The following COL23A1 variants were observed in gnomAD, a reference collection of about 807,000 sequenced individuals.
The protein encoded by COL23A1 is collagen alpha-1(XXIII) chain.
COL23A1 carries 97 observed loss-of-function variants against 99.3 expected under a neutral mutation model. The ratio of observed to expected loss-of-function variants is 0.98; its 90% CI spans 0.83 to 1.16. The LOEUF (loss-of-function observed/expected upper bound fraction) is 1.16. Ranked by LOEUF, COL23A1 falls within the 50% of genes most tolerant of loss-of-function variation. The probability of loss-of-function intolerance (pLI) is 0.00; values close to 1 mark genes in which losing one functional copy is unlikely to be tolerated. For synonymous variants in COL23A1, 320 were observed against 308.2 expected (o/e 1.04, Z -0.40); for missense variants, 762 against 757.4 (o/e 1.01, Z -0.07).
At chr5:178,559,059 G>A (rs1762422638) in intron 2 of COL23A1, among the ~76,000 whole-genome samples, 1 of 152,110 alleles carries the variant, frequency 6.6e-6, no homozygotes, top group African/African-American at 2.4e-5. Context: ...CAAAGTGCTG[G>A]GATTACAGGC....
In COL23A1 at chr5:178,501,285, A is replaced by C. The variant is rs539450228; in HGVS notation, c.361+59397T>G. Reference sequence around the variant, plus strand: ...CTGGAAACACTAAAAGGCACAGACCAAAAAAAGCCCCAACAGGCCGGGCAC... The same window carrying C: ...CTGGAAACACTAAAAGGCACAGACCCAAAAAAGCCCCAACAGGCCGGGCAC... On this transcript the variant is annotated intron_variant, in intron 2 of 28. Transcript: ENST00000390654. Among the ~76,000 whole-genome samples the C allele has an allele frequency of 9.2e-5, 14 of 152,232 alleles. 1 individual carries two copies. In the South Asian group the frequency reaches 2.9e-3, roughly 32 times the overall value.
intron 5 of COL23A1, among the ~76,000 whole-genome samples, chr5:178,284,475 T>C (rs1320675303): frequency 6.6e-6 from 1 of 152,212 alleles, no homozygotes; most frequent in Non-Finnish European, 1.5e-5. Flanking sequence ...GGAATGTAAA[T>C]TAGTACAGTC....
At chr5:178,359,807 A>G (rs1277199420) in intron 2 of COL23A1, among the ~76,000 whole-genome samples, 3 of 152,224 alleles carry the variant, frequency 2.0e-5, no homozygotes, top group African/African-American at 7.2e-5. Flanking sequence ...AAACTCAGAA[A>G]TAGCCTATTT....
intron 2 of COL23A1, among the ~76,000 whole-genome samples, chr5:178,448,912 T>TG (rs200834600): frequency 1.8e-4 from 14 of 77,850 alleles, no homozygotes; most frequent in African/African-American, 4.5e-4. Flanking sequence ...GAAATAAAGT[T>TG]TTTTTTTTTT....
At chr5:178,524,127 ACTG>A (rs1760175288) in intron 2 of COL23A1, among the ~76,000 whole-genome samples, 1 of 152,206 alleles carries the variant, frequency 6.6e-6, no homozygotes, top group South Asian at 2.1e-4. Flanking sequence ...AAGAGAACGT[ACTG>A]CCCCTCTTGA....
At chr5:178,507,526 C>CT (rs1758946689) in intron 2 of COL23A1, among the ~76,000 whole-genome samples, 1 of 152,192 alleles carries the variant, frequency 6.6e-6, no homozygotes, top group Admixed American at 6.5e-5. Context: ...TCAAAAGGGC[C>CT]TGGTGCATGG....
intron 12 of COL23A1, 57 bp from the exon 13 acceptor site, chr5:178,257,624 CT>C (rs1013789649): frequency 6.6e-7 from 1 of 1,521,000 alleles, no homozygotes; most frequent in African/African-American, 1.4e-5. Flanking sequence ...CAGTGGGCCC[CT>C]CCCTCCTCTG....
rs1207319051 is a variant in COL23A1 at position 178,310,772 on chromosome 5, T to C, written c.362-3853A>G. Among the ~76,000 whole-genome samples the C allele has an allele frequency of 6.6e-6, 1 of 152,172 alleles. No individual in the cohort carries two copies. The highest frequency in any genetic ancestry group is 1.5e-5 in the Non-Finnish European group (1 of 68,014). On this transcript the variant is annotated intron_variant, in intron 2 of 28. Coordinates refer to ENST00000390654, the MANE Select transcript of COL23A1 (RefSeq NM_173465.4). The surrounding 1 kb of genome is among the most constrained non-coding windows in gnomAD (Gnocchi z 4.3). The stretch of plus-strand genomic sequence containing the variant: ...AGAGCAGGGCCAGCTTGGCTGCAGC[T>C]AAGACCTGGCTCCAACAAGCAAAAC...
chr5:178,358,224 A>ATGTGTG (rs747443659), intron 2 of COL23A1, among the ~76,000 whole-genome samples: 6 of 53,442 alleles, frequency 1.1e-4, no homozygotes, highest in South Asian at 1.1e-3. Context: ...TGTGTGTCTA[A>ATGTGTG]TGTGTGTATG....
At chr5:178,550,461 T>C (rs1043132166) in intron 2 of COL23A1, among the ~76,000 whole-genome samples, 1 of 152,166 alleles carries the variant, frequency 6.6e-6, no homozygotes, top group Non-Finnish European at 1.5e-5. Flanking sequence ...AATACTGCCA[T>C]GTGACCTCCT....
chr5:178,318,898 T>C lies in COL23A1; in HGVS notation c.362-11979A>G, dbSNP rs1163807665. Reference sequence around the variant, plus strand: ...GCCTGGGCGATACAGCAAGACTTCATCTCCAAAAAAAAAAAAAAGGAAAGG... The same window carrying C: ...GCCTGGGCGATACAGCAAGACTTCACCTCCAAAAAAAAAAAAAAGGAAAGG... On this transcript the variant is annotated intron_variant, in intron 2 of 28. Transcript: ENST00000390654. Among the ~76,000 whole-genome samples, 4 of 107,530 alleles carry C rather than the reference T, an allele frequency of 3.7e-5. No individual in the cohort carries two copies. The Admixed American group carries it at 3.7e-4, about 10-fold the overall frequency. 70.5% of individuals were successfully genotyped at this position (107,530 alleles called of 152,430 possible). A position where few individuals can be genotyped will look rare whatever the true frequency, so the allele number is the denominator to read the frequency against.
At chr5:178,319,598 C>T (rs931478641) in intron 2 of COL23A1, among the ~76,000 whole-genome samples, 7 of 152,136 alleles carry the variant, frequency 4.6e-5, no homozygotes, top group Non-Finnish European at 8.8e-5. Flanking sequence ...CAACATGCGC[C>T]GTCCGCTCCC....
intron 11 of COL23A1, 114 bp from the exon 12 acceptor site, chr5:178,259,861 C>A: frequency 1.0e-6 from 1 of 964,282 alleles, no homozygotes; most frequent in Non-Finnish European, 1.5e-6. Context: ...GTGCCCAGGG[C>A]CAGCCCAGAG....
At chr5:178,444,712 C>T (rs113280355) in intron 2 of COL23A1, among the ~76,000 whole-genome samples, 25 of 152,278 alleles carry the variant, frequency 1.6e-4, no homozygotes, top group African/African-American at 6.0e-4. Flanking sequence ...AGGAGAATTG[C>T]TTGAACCTGA....
intron 11 of COL23A1, 115 bp downstream of exon 11, chr5:178,261,607 C>T (rs1438383527): frequency 4.1e-6 from 3 of 740,526 alleles, no homozygotes; most frequent in African/African-American, 1.7e-5. Flanking sequence ...GATCTCCTGA[C>T]CCTGCTGCCT....
At chr5:178,586,171 C>T (rs898339207) in intron 1 of COL23A1, among the ~76,000 whole-genome samples, 5 of 152,306 alleles carry the variant, frequency 3.3e-5, no homozygotes, top group African/African-American at 7.2e-5. Flanking sequence ...ATGCGCTGAC[C>T]GTCTTCCAAG....
At position 178,428,011 on chromosome 5, in the gene COL23A1, G is replaced by A. The variant is rs1175698103; in HGVS notation, c.362-121092C>T. ...ATTCTAAGGAATGTACCCTCTGGTG[G>A]GGGATGTTGATCCCTGATCCAGGGA... On this transcript the variant is annotated intron_variant, in intron 2 of 28. Coordinates refer to ENST00000390654, the MANE Select transcript of COL23A1 (RefSeq NM_173465.4). The surrounding 1 kb of genome is among the most constrained non-coding windows in gnomAD (Gnocchi z 5.0). Among the ~76,000 whole-genome samples the A allele has an allele frequency of 6.6e-6, 1 of 151,764 alleles. No individual in the cohort carries two copies. Among genetic ancestry groups the A allele is most frequent in the Non-Finnish European group, 1.5e-5 (1 of 68,012 alleles).
chr5:178,576,904 G>A (rs1763394105), intron 1 of COL23A1, among the ~76,000 whole-genome samples: 2 of 151,752 alleles, frequency 1.3e-5, no homozygotes, highest in African/African-American at 4.8e-5. Context: ...GGCGAGCAGC[G>A]CGGCGCTGGC....
intron 1 of COL23A1, among the ~76,000 whole-genome samples, chr5:178,579,030 G>A (rs1269890873): frequency 3.9e-5 from 6 of 152,140 alleles, no homozygotes; most frequent in Non-Finnish European, 7.4e-5. Flanking sequence ...TTCAGTCTTT[G>A]CATTTCTTCA....
Sources: allele counts gnomAD v4.1 joint callset (sites outside exome capture counted in the v4.1 genomes callset), GRCh38; gene constraint gnomAD v4.1.1; non-coding constraint Gnocchi (gnomAD v3.1); transcripts MANE v1.5; gene names NCBI Gene and HGNC (gene_info 2026-07-23, HGNC 2026-07-21).